Variants in GRID2 observed in about 807,000 individuals in gnomAD.
GRID2 encodes the protein glutamate ionotropic receptor delta type subunit 2.
GRID2 carries 33 observed loss-of-function variants against 114.8 expected under a neutral mutation model. The ratio of observed to expected loss-of-function variants is 0.29; its 90% CI spans 0.22 to 0.38. The LOEUF is 0.38. GRID2 is among the 10% of genes least tolerant of loss of function. The probability of loss-of-function intolerance (pLI) is 1.00; values close to 1 mark genes in which losing one functional copy is unlikely to be tolerated. For missense variants in GRID2, 1,184 were observed against 1,257.7 expected, an observed-to-expected ratio of 0.94 and a Z score of 0.89; for synonymous variants, 505 against 449.9, an observed-to-expected ratio of 1.12 and a Z score of -1.55.
chr4:92,510,871 A>C (rs1321090793), intron 1 of GRID2, among the ~76,000 whole-genome samples: 2 of 151,246 alleles, frequency 1.3e-5, no homozygotes, highest in Non-Finnish European at 3.0e-5. Context: ...AAAAAAAAAA[A>C]CAGTGGCAAT....
At chr4:93,678,218 G>A (rs1207841758) in intron 14 of GRID2, among the ~76,000 whole-genome samples, 1 of 152,104 alleles carries the variant, frequency 6.6e-6, no homozygotes, top group African/African-American at 2.4e-5. Flanking sequence ...AAGAAGGGAA[G>A]TTTAGAGAAA....
chr4:93,806,579 A>T (rs1048795833), intron 1 of GRID2: 9 of 152,220 alleles, frequency 5.9e-5, no homozygotes. Context: ...ATGCATCATC[A>T]ATCATCATGC....
At chr4:92,581,088 C>T (rs2149202630) in intron 1 of GRID2, among the ~76,000 whole-genome samples, 1 of 151,728 alleles carries the variant, frequency 6.6e-6, no homozygotes, top group East Asian at 1.9e-4. Context: ...CTGGTTGAAT[C>T]TTCACGGATT....
chr4:92,650,373 T>G (rs62309197), intron 2 of GRID2, among the ~76,000 whole-genome samples: 12,351 of 152,072 alleles, frequency 0.081, 608 homozygotes, highest in East Asian at 0.16. Context: ...TGGACTATTG[T>G]TAGTCCTGCT....
intron 1 of GRID2, among the ~76,000 whole-genome samples, chr4:92,397,472 T>C (rs920358345): frequency 6.6e-6 from 1 of 151,064 alleles, no homozygotes; most frequent in East Asian, 1.9e-4. Context: ...AAAAATATAA[T>C]AGAAGGCATG....
At chr4:93,648,359 G>T (rs752541992) in intron 14 of GRID2, among the ~76,000 whole-genome samples, 2 of 152,062 alleles carry the variant, frequency 1.3e-5, no homozygotes, top group Non-Finnish European at 2.9e-5. Context: ...CAGAGAAAAA[G>T]GAACAAAGCC....
intron 14 of GRID2, among the ~76,000 whole-genome samples, chr4:93,633,686 A>T (rs1203719211): frequency 1.3e-5 from 2 of 152,092 alleles, no homozygotes; most frequent in East Asian, 3.8e-4. Flanking sequence ...CATCCAACCA[A>T]TAAAAAAGCT....
chr4:93,338,190 T>C (rs1174905930), intron 8 of GRID2, among the ~76,000 whole-genome samples: 2 of 152,170 alleles, frequency 1.3e-5, no homozygotes, highest in Non-Finnish European at 2.9e-5. Flanking sequence ...ACAGGAAGCA[T>C]ATTTTCTCAT....
intron 1 of GRID2, among the ~76,000 whole-genome samples, chr4:92,344,592 A>T (rs1015850835): frequency 1.3e-5 from 2 of 152,142 alleles, no homozygotes; most frequent in African/African-American, 4.8e-5. Context: ...CTCGGATTCG[A>T]GTGGTGTAGC....
At chr4:92,735,760 A>C (rs1022904223) in intron 2 of GRID2, among the ~76,000 whole-genome samples, 7 of 151,994 alleles carry the variant, frequency 4.6e-5, no homozygotes, top group Admixed American at 1.3e-4. Flanking sequence ...ATTTTATATC[A>C]TAAGATCTCT....
At chr4:93,010,630 G>A (rs1171923308) in intron 2 of GRID2, among the ~76,000 whole-genome samples, 1 of 152,064 alleles carries the variant, frequency 6.6e-6, no homozygotes, top group Non-Finnish European at 1.5e-5. Flanking sequence ...TTTGACTATT[G>A]CTGTGAAGAT....
At chr4:93,735,818 T>C (rs986446071) in intron 14 of GRID2, among the ~76,000 whole-genome samples, 2 of 152,028 alleles carry the variant, frequency 1.3e-5, no homozygotes, top group South Asian at 2.1e-4. Flanking sequence ...CAGGTAAGTA[T>C]TGAGAAGCAG....
chr4:93,779,664 CTA>C (rs1375853625), intron 1 of GRID2, among the ~76,000 whole-genome samples: 1 of 152,150 alleles, frequency 6.6e-6, no homozygotes, highest in African/African-American at 2.4e-5. Context: ...AAAAAATACT[CTA>C]TGAAAAGAGG....
chr4:92,904,742 G>A (rs1450099456), intron 2 of GRID2, among the ~76,000 whole-genome samples: 1 of 151,912 alleles, frequency 6.6e-6, no homozygotes, highest in African/African-American at 2.4e-5. Flanking sequence ...TCAGCTCAGG[G>A]GAGCAATGAC....
chr4:93,717,279 G>C (rs921781847), intron 14 of GRID2, among the ~76,000 whole-genome samples: 1 of 152,076 alleles, frequency 6.6e-6, no homozygotes, highest in African/African-American at 2.4e-5. Flanking sequence ...GGAAGGAGAA[G>C]TATTTTCTCA....
chr4:93,469,322 T>C (rs1724579321), intron 11 of GRID2, among the ~76,000 whole-genome samples: 1 of 152,106 alleles, frequency 6.6e-6, no homozygotes, highest in Non-Finnish European at 1.5e-5. Flanking sequence ...GAAATATACA[T>C]ATATATGGTA....
At chr4:93,442,625 CAGAG>C (rs150091643) in intron 10 of GRID2, among the ~76,000 whole-genome samples, 2 of 149,658 alleles carry the variant, frequency 1.3e-5, no homozygotes, top group South Asian at 2.1e-4. Flanking sequence ...GAGACAGAGA[CAGAG>C]AGAGAGAGAG....
intron 9 of GRID2, among the ~76,000 whole-genome samples, chr4:93,416,573 A>G (rs1336724405): frequency 1.3e-5 from 2 of 152,080 alleles, no homozygotes; most frequent in East Asian, 3.8e-4. Context: ...AGCTCTCAGT[A>G]AAGCCTTGGC....
chr4:92,830,121 G>A (rs1020686830), intron 2 of GRID2, among the ~76,000 whole-genome samples: 1 of 147,546 alleles, frequency 6.8e-6, no homozygotes, highest in Non-Finnish European at 1.5e-5. Context: ...AGCAAAACTA[G>A]CACTGAGGAA....
Sources: gnomAD v4.1 joint callset for allele counts (sites outside exome capture counted in the v4.1 genomes callset) on GRCh38, gnomAD v4.1.1 for gene constraint, MANE v1.5 for transcripts, NCBI Gene and HGNC (gene_info 2026-07-23, HGNC 2026-07-21) for gene names.